WNT5A: variants seen among roughly 807,000 people sequenced by gnomAD.
WNT5A encodes the protein protein Wnt-5a.
In WNT5A, 9 loss-of-function variants were observed where a neutral mutation model predicts 42.1. The observed-to-expected ratio is 0.21, with a 90% CI of 0.13 to 0.37. WNT5A has a LOEUF of 0.37. Ranked by LOEUF, WNT5A falls within the 10% of genes least tolerant of loss-of-function variation. The pLI, the probability that WNT5A is intolerant of heterozygous loss-of-function variation, is 1.00. For synonymous variants in WNT5A, 210 were observed against 210.0 expected, an observed-to-expected ratio of 1.00 and a Z score of 0.00; for missense variants, 426 against 534.0, an observed-to-expected ratio of 0.80 and a Z score of 1.99.
chr3:55,468,990 G>C lies in WNT5A; in HGVS notation c.*1102C>G, dbSNP rs1051553890. ...TTCATTTCCTGTCCTACAACCAAAG[G>C]GGACCCAGTGGAGCTGCCGTTTGGA... On this transcript the variant is annotated 3_prime_UTR_variant, in exon 5 of 5. Coordinates refer to ENST00000264634, the MANE Select transcript of WNT5A (RefSeq NM_003392.7). 1.3e-5 allele frequency: 2 copies of C among 152,156 alleles called. No individual in the cohort carries two copies. The highest frequency in any genetic ancestry group is 2.9e-5 in the Non-Finnish European group (2 of 68,034). 9.4% of individuals were successfully genotyped at this position (152,156 alleles called of 1,614,324 possible). A position where few individuals can be genotyped will look rare whatever the true frequency, so the allele number is the denominator to read the frequency against.
upstream of WNT5A, among the ~76,000 whole-genome samples, chr3:55,493,153 G>A (rs2051680239): frequency 6.6e-6 from 1 of 152,220 alleles, no homozygotes; most frequent in Non-Finnish European, 1.5e-5. Flanking sequence ...TCTCTGGAAA[G>A]AGCTTGTTAT....
chr3:55,482,203 G>A (rs1021901524), intron 1 of WNT5A, among the ~76,000 whole-genome samples: 3 of 152,258 alleles, frequency 2.0e-5, no homozygotes, highest in African/African-American at 7.2e-5. Flanking sequence ...AGGGCAAAGA[G>A]GCCCCCAGCG....
chr3:55,490,259 T>G (rs965632569), upstream of WNT5A: 2 of 152,250 alleles, frequency 1.3e-5, no homozygotes, highest in African/African-American at 4.8e-5. Context: ...CCTTTATTTT[T>G]TAATGGCTAT....
chr3:55,473,536 A>G (rs1200980249), intron 4 of WNT5A, among the ~76,000 whole-genome samples: 1 of 152,210 alleles, frequency 6.6e-6, no homozygotes, highest in Non-Finnish European at 1.5e-5. Context: ...AAGAGCGGGA[A>G]CCAGGAGACT....
chr3:55,475,835 T>A (rs2051347561), intron 3 of WNT5A, among the ~76,000 whole-genome samples: 1 of 152,088 alleles, frequency 6.6e-6, no homozygotes. Context: ...CGCTTGTACA[T>A]GGAGACATTT....
chr3:55,490,937 T>A (rs1234314369), upstream of WNT5A, among the ~76,000 whole-genome samples: 1 of 152,188 alleles, frequency 6.6e-6, no homozygotes, highest in Admixed American at 6.5e-5. Flanking sequence ...GATAAAGAGT[T>A]GTTTTATCTG....
intron 4 of WNT5A, among the ~76,000 whole-genome samples, chr3:55,470,778 T>C (rs538497512): frequency 5.3e-5 from 8 of 152,284 alleles, no homozygotes; most frequent in African/African-American, 1.9e-4. Flanking sequence ...CAACAACAAC[T>C]GTGGTTTTTT....
At chr3:55,482,925 T>A (rs761524446) in intron 1 of WNT5A, among the ~76,000 whole-genome samples, 1 of 152,148 alleles carries the variant, frequency 6.6e-6, no homozygotes, top group Non-Finnish European at 1.5e-5. Flanking sequence ...ATTTACACAC[T>A]CACACGCGTG....
At chr3:55,497,067 C>T in the WNT5A span, among the ~76,000 whole-genome samples, 1 of 152,218 alleles carries the variant, frequency 6.6e-6, no homozygotes, top group Admixed American at 6.5e-5. Context: ...TAGTATTGTA[C>T]GTGCCAGATC....
chr3:55,505,106 T>C, the WNT5A span: 2 of 152,304 alleles, frequency 1.3e-5, no homozygotes, highest in Non-Finnish European at 2.9e-5. Context: ...AATGCTGCTA[T>C]AAAGAACTGC....
chr3:55,499,653 G>T, the WNT5A span, among the ~76,000 whole-genome samples: 1 of 152,116 alleles, frequency 6.6e-6, no homozygotes, highest in East Asian at 1.9e-4. Context: ...GAGAAGAAAA[G>T]ACCTTAGATG....
At chr3:55,477,906 A>C (rs1363157212) in intron 3 of WNT5A, among the ~76,000 whole-genome samples, 2 of 152,170 alleles carry the variant, frequency 1.3e-5, no homozygotes, top group African/African-American at 4.8e-5. Context: ...ATAGGTTGAG[A>C]GGAAGGCAGT....
At position 55,472,822 on chromosome 3, in the gene WNT5A, T is replaced by A. The variant is rs149200900; in HGVS notation, c.684+1515A>T. On this transcript the variant is annotated intron_variant, in intron 4 of 4. Coordinates refer to ENST00000264634, the MANE Select transcript of WNT5A (RefSeq NM_003392.7). ...GCCTATAATGTTTTAGAAGTTATCA[T>A]CTATCAAGCACTTACTACTGGCGGA... Among the ~76,000 whole-genome samples the A allele has an allele frequency of 3.8e-3, 575 of 152,356 alleles. 3 individuals carry two copies. The highest frequency in any genetic ancestry group is 0.013 in the African/African-American group (553 of 41,582).
chr3:55,481,245 C>A, intron 1 of WNT5A: 5 of 982,122 alleles, frequency 5.1e-6, no homozygotes, highest in Non-Finnish European at 6.1e-6. Flanking sequence ...CACCCCCTGG[C>A]CCCCCTCTAG....
At position 55,466,692 on chromosome 3, in the gene WNT5A, G is replaced by A. The variant is rs866664675; in HGVS notation, c.*3400C>T. ...CTTGTATTGGGAAGATCTTGAATAC[G>A]CTCCAGGATGAGAAGAAAAAATACG... On this transcript the variant is annotated 3_prime_UTR_variant, in exon 5 of 5. Transcript: ENST00000264634. 3 of 152,580 alleles carry A rather than the reference G, an allele frequency of 2.0e-5. No homozygotes were observed. The highest frequency in any genetic ancestry group is 2.9e-5 in the Non-Finnish European group (2 of 67,996). 9.5% of individuals were successfully genotyped at this position (152,580 alleles called of 1,614,324 possible).
At chr3:55,481,242 T>C (rs2051455416) in intron 1 of WNT5A, 1 of 982,368 alleles carries the variant, frequency 1.0e-6, no homozygotes, top group African/African-American at 1.7e-5. Flanking sequence ...CCGCACCCCC[T>C]GGCCCCCCTC....
chr3:55,495,367 C>A (rs1323091472), upstream of WNT5A, among the ~76,000 whole-genome samples: 4 of 152,208 alleles, frequency 2.6e-5, no homozygotes. Context: ...ACTTTGGCAA[C>A]CACCATTCTA....
chr3:55,481,369 GGGCGAGAGGAGCACGGA>G, intron 1 of WNT5A: 9 of 985,794 alleles, frequency 9.1e-6, no homozygotes, highest in Non-Finnish European at 1.1e-5. Context: ...TTAATTCCAT[GGGCGAGAGGAGCACGGA>G]GGCGAGTGGA....
rs889054688 is a variant in WNT5A at position 55,483,935 on chromosome 3, C to T, written c.7-3017G>A. Among the ~76,000 whole-genome samples, 2 of 152,020 alleles carry T rather than the reference C, an allele frequency of 1.3e-5. No individual in the cohort carries two copies. Among genetic ancestry groups the T allele is most frequent in the Non-Finnish European group, 1.5e-5 (1 of 68,018 alleles). ...CGGATGCACACCTAAAGTCTCGCAA[C>T]ACCCAACTCCTCCTCCGCAGGCAGT... On this transcript the variant is annotated intron_variant, in intron 1 of 4. Transcript: ENST00000264634. The surrounding 1 kb of genome is among the most constrained non-coding windows in gnomAD (Gnocchi z 4.2).
Sources: allele counts gnomAD v4.1 joint callset (sites outside exome capture counted in the v4.1 genomes callset), GRCh38; gene constraint gnomAD v4.1.1; non-coding constraint Gnocchi (gnomAD v3.1); transcripts MANE v1.5; gene names NCBI Gene and HGNC (gene_info 2026-07-23, HGNC 2026-07-21).